Variants in SEPTIN10 observed in about 807,000 individuals in gnomAD.
The protein encoded by SEPTIN10 is septin 10.
In SEPTIN10, 66 loss-of-function variants were observed where a neutral mutation model predicts 54.8. The observed-to-expected ratio is 1.21, with a 90% confidence interval of 0.99 to 1.48. The LOEUF (loss-of-function observed/expected upper bound fraction) is 1.48, where lower values mean the gene tolerates loss of function less well. SEPTIN10 is among the 40% of genes most tolerant of loss of function. The pLI is 0.00. For synonymous variants in SEPTIN10, 161 were observed against 181.0 expected (o/e 0.89, Z 0.89); for missense variants, 620 against 545.6 (o/e 1.14, Z -1.36).
chr2:109,550,251 T>C (rs1682551687), intron 9 of SEPTIN10, among the ~76,000 whole-genome samples: 2 of 151,502 alleles, frequency 1.3e-5, no homozygotes, highest in African/African-American at 2.4e-5. Context: ...GATTGCACCA[T>C]TGTACTCCAG....
intron 5 of SEPTIN10, 115 bp downstream of exon 5, chr2:109,574,466 A>AAG (rs1491151441): frequency 7.9e-5 from 45 of 573,206 alleles, no homozygotes; most frequent in Non-Finnish European, 9.9e-6. Flanking sequence ...AAAAAAAAAA[A>AAG]TTTAAAAAAG....
In SEPTIN10 at chr2:109,613,898, G is replaced by C; in HGVS notation, c.-71C>G. ...CGAGCGGCTGGTCCCGGCGACGGCG[G>C]CGGGAAGGCCGGAGGGCAGAAGCAA... On this transcript the variant is annotated 5_prime_UTR_variant, in exon 1 of 11. Transcript: ENST00000397712. 1 of 1,229,232 alleles carries C rather than the reference G, an allele frequency of 8.1e-7. No homozygotes were observed. The highest frequency in any genetic ancestry group is 1.0e-6 in the Non-Finnish European group (1 of 986,582). The allele number at this position is 1,229,232 out of a possible 1,614,324, so 76.1% of individuals were successfully genotyped here. A position where few individuals can be genotyped will look rare whatever the true frequency, so the allele number is the denominator to read the frequency against.
At chr2:109,599,331 G>A (rs1696075439) in intron 1 of SEPTIN10, among the ~76,000 whole-genome samples, 1 of 151,880 alleles carries the variant, frequency 6.6e-6, no homozygotes, top group African/African-American at 2.4e-5. Flanking sequence ...GGTGGTGTGT[G>A]CCTGTAATCC....
Position 109,574,725 on chromosome 2 carries a change from G to T in SEPTIN10, c.456C>A (p.Ala152=). The change falls in exon 5 of 11, where the codon GCC becomes GCA. Residue 152 remains alanine, a synonymous_variant. Coordinates refer to ENST00000397712, the MANE Select transcript of SEPTIN10 (RefSeq NM_144710.5). Reference sequence around the variant, plus strand: ...TAATCTTCAGTTCTTCTTGGAGATAGGCCTCAAACTGAGCATCTATGTAGT... The same window carrying T: ...TAATCTTCAGTTCTTCTTGGAGATATGCCTCAAACTGAGCATCTATGTAGT... ...IVDYIDAQFE[A]YLQEELKIKR... 1 of 1,601,766 alleles carries T rather than the reference G, an allele frequency of 6.2e-7. No homozygotes were observed.
In SEPTIN10 at chr2:109,546,166, T is replaced by G; in HGVS notation, c.1233A>C (p.Arg411Ser). The G allele has an allele frequency of 1.2e-6, 2 of 1,609,888 alleles. No homozygotes were observed. The highest frequency in any genetic ancestry group is 1.7e-6 in the Non-Finnish European group (2 of 1,178,536). The change falls in exon 10 of 11, where the codon AGA becomes AGC. Residue 411 changes from arginine (R) to serine (S), a missense_variant. Coordinates refer to ENST00000397712, the MANE Select transcript of SEPTIN10 (RefSeq NM_144710.5). Reference protein sequence around the residue: ...EERMKLEEKRRLLEEEIIAFS... With the variant: ...EERMKLEEKRSLLEEEIIAFS... ...AAGCAATTATTTCTTCTTCCAAAAG[T>G]CTTCTCTTTTCTTCAAGCTTCATTC...
chr2:109,556,309 A>G (rs1224842823), intron 8 of SEPTIN10, among the ~76,000 whole-genome samples: 1 of 152,230 alleles, frequency 6.6e-6, no homozygotes, highest in Admixed American at 6.5e-5. Context: ...TTCCAGCTAC[A>G]TTAGTGAGAA....
At chr2:109,613,723 CG>C in intron 1 of SEPTIN10, 74 bp downstream of exon 1, 1 of 985,838 alleles carries the variant, frequency 1.0e-6, no homozygotes, top group Non-Finnish European at 1.3e-6. Context: ...ACCAGGGGGC[CG>C]GTGGGTCGAG....
chr2:109,546,028 G>A (rs1487286913), intron 10 of SEPTIN10, 22 bp downstream of exon 10: 1 of 1,547,360 alleles, frequency 6.5e-7, no homozygotes, highest in Non-Finnish European at 8.7e-7. Context: ...GGGCTGCCAG[G>A]GAGGGTGGCT....
intron 1 of SEPTIN10, among the ~76,000 whole-genome samples, chr2:109,607,404 T>A (rs1279978475): frequency 6.6e-6 from 1 of 152,180 alleles, no homozygotes; most frequent in African/African-American, 2.4e-5. Context: ...TGGCTAACCA[T>A]GGATCATGCA....
chr2:109,550,302 A>C (rs1682568917), intron 9 of SEPTIN10, among the ~76,000 whole-genome samples: 1 of 151,550 alleles, frequency 6.6e-6, no homozygotes, highest in African/African-American at 2.4e-5. Flanking sequence ...AAAAACAAAA[A>C]AAAAGTATCT....
At chr2:109,599,412 T>G (rs540026841) in intron 1 of SEPTIN10, among the ~76,000 whole-genome samples, 1 of 147,696 alleles carries the variant, frequency 6.8e-6, no homozygotes, top group South Asian at 2.1e-4. Flanking sequence ...GAGCCGAGAT[T>G]GTGCCACTGC....
intron 1 of SEPTIN10, among the ~76,000 whole-genome samples, chr2:109,604,298 G>A (rs1426761056): frequency 1.5e-5 from 2 of 136,684 alleles, no homozygotes; most frequent in Non-Finnish European, 3.1e-5. Context: ...GGTTGAGACT[G>A]CGCCACTGCA....
chr2:109,549,270 A>G (rs1035649307), intron 9 of SEPTIN10, among the ~76,000 whole-genome samples: 7 of 152,246 alleles, frequency 4.6e-5, no homozygotes, highest in Admixed American at 1.3e-4. Context: ...TCACATGACT[A>G]GAGATAGCTC....
At chr2:109,556,936 T>C (rs183568257) in intron 8 of SEPTIN10, among the ~76,000 whole-genome samples, 110 of 151,976 alleles carry the variant, frequency 7.2e-4, no homozygotes, top group African/African-American at 2.3e-3. Flanking sequence ...AAACCAAACA[T>C]GGCATGTTCT....
In SEPTIN10 at chr2:109,598,725, CCCAG is replaced by C. The variant is rs747765784; in HGVS notation, c.31-5610_31-5607del. Among the ~76,000 whole-genome samples the C allele has an allele frequency of 4.7e-4, 72 of 151,840 alleles. 7 individuals are homozygous for C. The highest frequency in any genetic ancestry group is 4.5e-3 in the East Asian group (23 of 5,084). On this transcript the variant is annotated intron_variant, in intron 1 of 10. Coordinates refer to ENST00000397712, the MANE Select transcript of SEPTIN10 (RefSeq NM_144710.5). ...AGGCATGGCAGTGCATGCCTGTAATCCCAGCTACTCAGGAGGCTAGGTTCAATTA... is the reference window on the plus strand; with the variant it reads ...AGGCATGGCAGTGCATGCCTGTAATCCTACTCAGGAGGCTAGGTTCAATTA...
At chr2:109,554,238 A>G (rs1465800736) in intron 8 of SEPTIN10, among the ~76,000 whole-genome samples, 2 of 152,200 alleles carry the variant, frequency 1.3e-5, no homozygotes, top group African/African-American at 4.8e-5. Flanking sequence ...GGAAAATTGT[A>G]AAGATCACCT....
chr2:109,555,078 T>C (rs547034460), intron 8 of SEPTIN10, among the ~76,000 whole-genome samples: 1 of 152,328 alleles, frequency 6.6e-6, no homozygotes, highest in Admixed American at 6.5e-5. Context: ...TCCTAATTCA[T>C]CTCTGAGCTT....
chr2:109,592,450 G>A (rs1378741283), intron 2 of SEPTIN10, among the ~76,000 whole-genome samples: 5 of 151,378 alleles, frequency 3.3e-5, no homozygotes, highest in African/African-American at 1.2e-4. Flanking sequence ...GGGCGACAGA[G>A]CAAAGCTCTG....
At chr2:109,603,875 T>A (rs1312405951) in intron 1 of SEPTIN10, among the ~76,000 whole-genome samples, 1 of 151,904 alleles carries the variant, frequency 6.6e-6, no homozygotes, top group African/African-American at 2.4e-5. Context: ...CTAATTAAAA[T>A]TTTAAGCCGG....
Sources: gnomAD v4.1 joint callset for allele counts (sites outside exome capture counted in the v4.1 genomes callset) on GRCh38, gnomAD v4.1.1 for gene constraint, MANE v1.5 for transcripts, NCBI Gene and HGNC (gene_info 2026-07-23, HGNC 2026-07-21) for gene names.